The following KCNJ12 variants were observed in gnomAD, a reference collection of about 807,000 sequenced individuals.
KCNJ12 encodes the protein ATP-sensitive inward rectifier potassium channel 12.
KCNJ12 carries 2 observed loss-of-function variants against 22.3 expected under a neutral mutation model. The ratio of observed to expected loss-of-function variants is 0.09; its 90% confidence interval spans 0.04 to 0.28. The LOEUF (loss-of-function observed/expected upper bound fraction) is 0.28. Ranked by LOEUF, KCNJ12 falls within the 10% of genes least tolerant of loss-of-function variation. KCNJ12 has a pLI of 1.00. For missense variants in KCNJ12, 155 were observed against 633.3 expected, an observed-to-expected ratio of 0.24 and a Z score of 8.11; for synonymous variants, 117 against 261.4, an observed-to-expected ratio of 0.45 and a Z score of 5.33.
intron 2 of KCNJ12, among the ~76,000 whole-genome samples, chr17:21,413,518 G>A (rs1597582390): frequency 6.6e-6 from 1 of 150,398 alleles, no homozygotes; most frequent in African/African-American, 2.4e-5. Flanking sequence ...CCTGTGGGCG[G>A]GGAGGGGTGG....
In KCNJ12 at chr17:21,415,292, G is replaced by A. The variant is rs781895459; in HGVS notation, c.-51G>A. 3.2e-6 allele frequency: 5 copies of A among 1,578,528 alleles called. No individual in the cohort carries two copies. The highest frequency in any genetic ancestry group is 4.6e-5 in the East Asian group (2 of 43,304). ...TGCTGTCGTCTCTGTTGCAGGAGCC[G>A]CCCTGCCTGGAGCTAGCCTGGGGGC... On this transcript the variant is annotated 5_prime_UTR_variant, in exon 3 of 3. Coordinates refer to ENST00000583088, the MANE Select transcript of KCNJ12 (RefSeq NM_021012.5).
At chr17:21,397,031 C>G (rs1177197332) in intron 1 of KCNJ12, among the ~76,000 whole-genome samples, 1 of 152,202 alleles carries the variant, frequency 6.6e-6, no homozygotes, top group African/African-American at 2.4e-5. Flanking sequence ...GCTCTCTGGG[C>G]CTCAGTTTCC....
At chr17:21,403,085 G>A (rs1381271876) in intron 1 of KCNJ12, among the ~76,000 whole-genome samples, 6 of 152,310 alleles carry the variant, frequency 3.9e-5, no homozygotes, top group African/African-American at 1.2e-4. Context: ...AGGAGCAAGG[G>A]ACTTGGGGAA....
At chr17:21,409,111 C>A (rs1906163700) in intron 2 of KCNJ12, among the ~76,000 whole-genome samples, 2 of 152,428 alleles carry the variant, frequency 1.3e-5, no homozygotes, top group South Asian at 4.1e-4. Context: ...CTGCATCAGC[C>A]TCTCTAGGCC....
At chr17:21,399,319 G>C (rs1000591177) in intron 1 of KCNJ12, among the ~76,000 whole-genome samples, 1 of 152,182 alleles carries the variant, frequency 6.6e-6, no homozygotes, top group African/African-American at 2.4e-5. Context: ...AGTCCCCAGC[G>C]TGTCTCCTGG....
intron 1 of KCNJ12, among the ~76,000 whole-genome samples, chr17:21,398,333 G>A (rs781808537): frequency 1.3e-5 from 2 of 152,186 alleles, no homozygotes; most frequent in African/African-American, 2.4e-5. Flanking sequence ...TGGTACCCGA[G>A]GCCCTGCCCA....
intron 1 of KCNJ12, among the ~76,000 whole-genome samples, chr17:21,402,874 C>G (rs1242161206): frequency 6.6e-6 from 1 of 152,302 alleles, no homozygotes; most frequent in Admixed American, 6.5e-5. Context: ...GGCTGGATTA[C>G]AGAGGGACTG....
At chr17:21,387,215 G>A (rs1197093687) in intron 1 of KCNJ12, among the ~76,000 whole-genome samples, 1 of 151,708 alleles carries the variant, frequency 6.6e-6, no homozygotes, top group Non-Finnish European at 1.5e-5. Flanking sequence ...GGCCGAGGTG[G>A]GCAGATCACG....
intron 1 of KCNJ12, among the ~76,000 whole-genome samples, chr17:21,379,842 C>T (rs1325645946): frequency 2.6e-5 from 4 of 152,052 alleles, no homozygotes; most frequent in East Asian, 1.9e-4. Context: ...GTGCTGGGCT[C>T]GGGGCAGGAC....
intron 1 of KCNJ12, among the ~76,000 whole-genome samples, chr17:21,380,443 G>A (rs1169626771): frequency 2.0e-5 from 3 of 152,190 alleles, no homozygotes; most frequent in African/African-American, 7.2e-5. Flanking sequence ...TATCTCAGAG[G>A]AGACTCTTGG....
intron 1 of KCNJ12, 102 bp downstream of exon 1, chr17:21,377,015 G>A (rs1904681776): frequency 6.6e-6 from 1 of 152,266 alleles, no homozygotes; most frequent in African/African-American, 2.4e-5. Flanking sequence ...GCACGAGGTT[G>A]TGCAGCAACA....
At chr17:21,406,697 C>G in intron 1 of KCNJ12, among the ~76,000 whole-genome samples, 1 of 152,308 alleles carries the variant, frequency 6.6e-6, no homozygotes, top group Admixed American at 6.5e-5. Context: ...GTCTGTGTGC[C>G]TCTAAACCAC....
At chr17:21,397,875 C>A (rs1905424498) in intron 1 of KCNJ12, among the ~76,000 whole-genome samples, 1 of 152,236 alleles carries the variant, frequency 6.6e-6, no homozygotes, top group South Asian at 2.1e-4. Context: ...AGGAGCAGAG[C>A]CTGGGGGCCG....
At chr17:21,387,984 C>A (rs1471154351) in intron 1 of KCNJ12, among the ~76,000 whole-genome samples, 4 of 152,166 alleles carry the variant, frequency 2.6e-5, no homozygotes, top group Non-Finnish European at 4.4e-5. Flanking sequence ...CTTCCTTCCA[C>A]TCCTCCCCCA....
chr17:21,378,488 G>A (rs1297085304), intron 1 of KCNJ12, among the ~76,000 whole-genome samples: 19 of 152,264 alleles, frequency 1.2e-4, no homozygotes, highest in African/African-American at 4.3e-4. Context: ...GGACCCTGGG[G>A]GCCTGCCATT....
chr17:21,410,970 G>A (rs1412333795), intron 2 of KCNJ12, among the ~76,000 whole-genome samples: 29 of 152,288 alleles, frequency 1.9e-4, no homozygotes, highest in East Asian at 1.9e-4. Flanking sequence ...CTCGTGAGGC[G>A]CCCCAGCTAG....
chr17:21,399,412 C>T (rs1555560241), intron 1 of KCNJ12, among the ~76,000 whole-genome samples: 2 of 152,214 alleles, frequency 1.3e-5, no homozygotes, highest in Non-Finnish European at 2.9e-5. Flanking sequence ...CAGTGGCCAC[C>T]CACCTGCTTT....
At chr17:21,388,009 A>G (rs1325337817) in intron 1 of KCNJ12, among the ~76,000 whole-genome samples, 1 of 152,064 alleles carries the variant, frequency 6.6e-6, no homozygotes, top group East Asian at 1.9e-4. Flanking sequence ...TGAGGCCACC[A>G]GTTCTGGCCG....
chr17:21,405,565 A>G (rs1432943963), intron 1 of KCNJ12, among the ~76,000 whole-genome samples: 3 of 152,254 alleles, frequency 2.0e-5, no homozygotes, highest in Non-Finnish European at 4.4e-5. Context: ...AGGAAGGGGA[A>G]GTGCCTTGCC....
Sources: gnomAD v4.1 joint callset for allele counts (sites outside exome capture counted in the v4.1 genomes callset) on GRCh38, gnomAD v4.1.1 for gene constraint, MANE v1.5 for transcripts, NCBI Gene and HGNC (gene_info 2026-07-23, HGNC 2026-07-21) for gene names.